Variants in CACNG2 observed in about 807,000 individuals in gnomAD.
CACNG2 encodes the protein calcium voltage-gated channel auxiliary subunit gamma 2, also known as voltage-dependent calcium channel gamma-2 subunit.
Under a neutral mutation model 25.9 loss-of-function variants are expected in CACNG2, and 3 were observed. The observed-to-expected ratio is 0.12, with a 90% CI of 0.05 to 0.30. The LOEUF (loss-of-function observed/expected upper bound fraction) is 0.30. CACNG2 is among the 10% of genes least tolerant of loss of function. The probability of loss-of-function intolerance (pLI) is 1.00; values close to 1 mark genes in which losing one functional copy is unlikely to be tolerated. For missense variants in CACNG2, 341 were observed against 432.5 expected (o/e 0.79, Z 1.88); for synonymous variants, 167 against 173.3 (o/e 0.96, Z 0.29).
At chr22:36,587,602 T>A in intron 1 of CACNG2, 54 bp from the exon 2 acceptor site, 2 of 1,266,352 alleles carry the variant, frequency 1.6e-6, no homozygotes, top group Non-Finnish European at 2.3e-6. Flanking sequence ...TGGGGGCGCT[T>A]AGGGCCCACC....
intron 1 of CACNG2, among the ~76,000 whole-genome samples, chr22:36,605,396 C>T (rs139977646): frequency 6.6e-6 from 1 of 152,244 alleles, no homozygotes; most frequent in Non-Finnish European, 1.5e-5. Flanking sequence ...TTTATATGCA[C>T]TAGGAAACCA....
At chr22:36,622,284 A>C (rs1022141940) in intron 1 of CACNG2, among the ~76,000 whole-genome samples, 2 of 152,226 alleles carry the variant, frequency 1.3e-5, no homozygotes, top group African/African-American at 4.8e-5. Context: ...GTGCCATGGA[A>C]TCTCCCGCAG....
At chr22:36,607,431 T>C (rs1569027654) in intron 1 of CACNG2, among the ~76,000 whole-genome samples, 1 of 152,122 alleles carries the variant, frequency 6.6e-6, no homozygotes, top group Non-Finnish European at 1.5e-5. Flanking sequence ...AATTTTTGTA[T>C]TTTTTGTAGA....
intron 1 of CACNG2, among the ~76,000 whole-genome samples, chr22:36,696,289 T>C (rs1937339257): frequency 6.6e-6 from 1 of 152,192 alleles, no homozygotes; most frequent in Non-Finnish European, 1.5e-5. Flanking sequence ...TTGTCCTTTA[T>C]GCGTTCAGTC....
At chr22:36,613,893 T>C (rs900491398) in intron 1 of CACNG2, among the ~76,000 whole-genome samples, 1 of 152,126 alleles carries the variant, frequency 6.6e-6, no homozygotes, top group Non-Finnish European at 1.5e-5. Context: ...CCTTGATTTC[T>C]ACCTCTTCAT....
Position 36,701,676 on chromosome 22 carries a change from T to A in CACNG2, c.211+690A>T, listed in dbSNP as rs145871640. On this transcript the variant is annotated intron_variant, in intron 1 of 3. Transcript: ENST00000300105. The stretch of plus-strand genomic sequence containing the variant: ...CAAGTGAATTGCTGTTTATTAGAAC[T>A]TAGGCTTGTTTCCTGTGAGAGACGT... Among the ~76,000 whole-genome samples, 259 of 152,280 alleles carry A rather than the reference T, an allele frequency of 1.7e-3. 1 individual carries two copies. Among genetic ancestry groups the A allele is most frequent in the Non-Finnish European group, 2.5e-3 (172 of 68,026 alleles).
At chr22:36,586,798 A>C (rs1015602144) in intron 2 of CACNG2, among the ~76,000 whole-genome samples, 1 of 152,192 alleles carries the variant, frequency 6.6e-6, no homozygotes, top group Non-Finnish European at 1.5e-5. Flanking sequence ...CTCAGGGAAT[A>C]GGTAGCCTTG....
intron 1 of CACNG2, among the ~76,000 whole-genome samples, chr22:36,657,575 A>G (rs1486021374): frequency 6.6e-6 from 1 of 152,092 alleles, no homozygotes. Context: ...TGAGGAGTTC[A>G]TCTTAAGAAA....
At chr22:36,605,974 C>T (rs1458019754) in intron 1 of CACNG2, among the ~76,000 whole-genome samples, 1 of 152,212 alleles carries the variant, frequency 6.6e-6, no homozygotes, top group Non-Finnish European at 1.5e-5. Flanking sequence ...GCCCTAAATT[C>T]ATCTTAAGAA....
At chr22:36,610,644 G>C (rs1249065994) in intron 1 of CACNG2, among the ~76,000 whole-genome samples, 1 of 152,208 alleles carries the variant, frequency 6.6e-6, no homozygotes, top group Non-Finnish European at 1.5e-5. Context: ...AAGCCAGCCT[G>C]TCCACAGAGA....
At chr22:36,642,010 T>C (rs1265720827) in intron 1 of CACNG2, among the ~76,000 whole-genome samples, 1 of 152,178 alleles carries the variant, frequency 6.6e-6, no homozygotes, top group Non-Finnish European at 1.5e-5. Flanking sequence ...AGACAAGCGC[T>C]CCCTGCCTGG....
At chr22:36,576,569 T>C (rs1935316846) in intron 2 of CACNG2, among the ~76,000 whole-genome samples, 1 of 148,744 alleles carries the variant, frequency 6.7e-6, no homozygotes, top group African/African-American at 2.5e-5. Context: ...TGCCTCTGTG[T>C]GTGCGTGTGT....
At chr22:36,670,080 A>T (rs952980210) in intron 1 of CACNG2, among the ~76,000 whole-genome samples, 24 of 152,168 alleles carry the variant, frequency 1.6e-4, no homozygotes, top group Admixed American at 1.6e-3. Flanking sequence ...CTCAGCCCTG[A>T]TCTAACTAAC....
intron 2 of CACNG2, among the ~76,000 whole-genome samples, chr22:36,572,570 C>T (rs370150570): frequency 1.3e-5 from 2 of 152,038 alleles, no homozygotes; most frequent in African/African-American, 2.4e-5. Flanking sequence ...GGCGTGGTGG[C>T]GCATGCCTGT....
chr22:36,629,488 C>T (rs942718370), intron 1 of CACNG2, among the ~76,000 whole-genome samples: 1 of 151,242 alleles, frequency 6.6e-6, no homozygotes, highest in Admixed American at 6.6e-5. Flanking sequence ...AGAGGGGCAA[C>T]TAACTGTGTG....
chr22:36,593,583 G>A (rs148429574), intron 1 of CACNG2, among the ~76,000 whole-genome samples: 4 of 152,108 alleles, frequency 2.6e-5, no homozygotes, highest in African/African-American at 4.8e-5. Flanking sequence ...GGACAGAATG[G>A]GGGGATTCTG....
At chr22:36,654,899 G>T (rs1260538517) in intron 1 of CACNG2, among the ~76,000 whole-genome samples, 1 of 152,112 alleles carries the variant, frequency 6.6e-6, no homozygotes, top group East Asian at 1.9e-4. Flanking sequence ...TGCCAAACTG[G>T]TGTCCGAATC....
At chr22:36,596,373 G>C (rs927299222) in intron 1 of CACNG2, among the ~76,000 whole-genome samples, 1 of 152,232 alleles carries the variant, frequency 6.6e-6, no homozygotes, top group African/African-American at 2.4e-5. Flanking sequence ...GCAGCCACCA[G>C]CTTGGGTTGG....
intron 1 of CACNG2, among the ~76,000 whole-genome samples, chr22:36,603,645 G>A (rs1935787455): frequency 6.6e-6 from 1 of 152,146 alleles, no homozygotes; most frequent in Non-Finnish European, 1.5e-5. Flanking sequence ...AAAAATTTTA[G>A]AGCCCTTAAG....
Sources: allele counts gnomAD v4.1 joint callset (sites outside exome capture counted in the v4.1 genomes callset), GRCh38; gene constraint gnomAD v4.1.1; transcripts MANE v1.5; gene names NCBI Gene and HGNC (gene_info 2026-07-23, HGNC 2026-07-21).